ATP11A: variants seen among roughly 807,000 people sequenced by gnomAD.
ATP11A encodes ATPase phospholipid transporting 11A.
ATP11A carries 81 observed loss-of-function variants against 154.4 expected under a neutral mutation model. That is an observed-to-expected ratio of 0.52 (90% confidence interval 0.44 to 0.63). ATP11A has a LOEUF of 0.63. Among genes scored for constraint, ATP11A ranks in the 30% least tolerant of loss-of-function variants. The pLI is 0.00. For missense variants in ATP11A, 1,316 were observed against 1,474.3 expected (o/e 0.89, Z 1.76); for synonymous variants, 623 against 585.9 (o/e 1.06, Z -0.91).
At chr13:112,841,948 T>G (rs973131635) in intron 16 of ATP11A, among the ~76,000 whole-genome samples, 6 of 152,224 alleles carry the variant, frequency 3.9e-5, no homozygotes, top group African/African-American at 1.4e-4. Flanking sequence ...AGGACCCCCT[T>G]TGGGTCACCC....
In ATP11A at chr13:112,882,399, C is replaced by A. The variant is rs573728153; in HGVS notation, c.*533C>A. On this transcript the variant is annotated 3_prime_UTR_variant, in exon 30 of 30. Coordinates refer to ENST00000375645, the MANE Select transcript of ATP11A (RefSeq NM_015205.3). This position sits in a 1 kb window ranked among gnomAD's most constrained non-coding sequence, Gnocchi z 5.1. ...TGTGGATGCCACATGCTGCTGTTTC[C>A]TGCTTGCCCGGCCACCACCCATGCC... 21 of 397,434 alleles carry A rather than the reference C, an allele frequency of 5.3e-5. No homozygotes were observed. Among genetic ancestry groups the A allele is most frequent in the African/African-American group, 3.2e-4 (16 of 49,242 alleles). The allele number at this position is 397,434 out of a possible 1,614,324, so 24.6% of individuals were successfully genotyped here. A position where few individuals can be genotyped will look rare whatever the true frequency, so the allele number is the denominator to read the frequency against.
chr13:112,841,611 G>A (rs138578502), intron 16 of ATP11A, among the ~76,000 whole-genome samples: 17 of 152,126 alleles, frequency 1.1e-4, no homozygotes, highest in Admixed American at 2.0e-4. Flanking sequence ...AGAGTGCCAC[G>A]TGGCTTCGCC....
At chr13:112,741,570 A>G (rs889165743) in intron 1 of ATP11A, among the ~76,000 whole-genome samples, 2 of 152,154 alleles carry the variant, frequency 1.3e-5, no homozygotes, top group African/African-American at 2.4e-5. Context: ...GCACTAGCCA[A>G]CTGGGGCAGG....
chr13:112,731,941 G>GGT (rs1555309806), intron 1 of ATP11A, among the ~76,000 whole-genome samples: 1 of 145,446 alleles, frequency 6.9e-6, no homozygotes, highest in African/African-American at 2.6e-5. Context: ...TGGGGGCGGG[G>GGT]GGGGGCAGGT....
intron 5 of ATP11A, among the ~76,000 whole-genome samples, chr13:112,813,057 G>A (rs142350064): frequency 6.0e-4 from 91 of 152,242 alleles, no homozygotes; most frequent in South Asian, 1.2e-3. Flanking sequence ...CCTGTGTGTC[G>A]TAACCAAGAG....
Position 112,690,150 on chromosome 13 carries a change from GAA to G in ATP11A, c.-266_-265del, listed in dbSNP as rs559154754. On this transcript the variant is annotated 5_prime_UTR_variant, in exon 1 of 30. Transcript: ENST00000375645. This position sits in a 1 kb window ranked among gnomAD's most constrained non-coding sequence, Gnocchi z 5.6. ...GAGCGGGCGGACCGACGGGGAGAGAGAAGGCGCCAGAGCGCGCGCGCGCGGCC... is the reference window on the plus strand; with the variant it reads ...GAGCGGGCGGACCGACGGGGAGAGAGGGCGCCAGAGCGCGCGCGCGCGGCC... 6.2e-3 allele frequency among the ~76,000 whole-genome samples: 925 copies of G among 148,448 alleles called. 10 individuals are homozygous for G. The highest frequency in any genetic ancestry group is 0.021 in the African/African-American group (874 of 41,204).
At chr13:112,732,577 AT>A (rs775880405) in intron 1 of ATP11A, among the ~76,000 whole-genome samples, 1 of 152,060 alleles carries the variant, frequency 6.6e-6, no homozygotes, top group African/African-American at 2.4e-5. Context: ...GCACTTACAA[AT>A]TTATTTTATG....
intron 1 of ATP11A, among the ~76,000 whole-genome samples, chr13:112,740,333 C>G (rs1207130579): frequency 6.6e-6 from 1 of 152,058 alleles, no homozygotes; most frequent in Non-Finnish European, 1.5e-5. Flanking sequence ...CACCACCACA[C>G]CCGGCTAATT....
chr13:112,883,259 A>T lies in ATP11A; in HGVS notation c.*1393A>T. 1 of 398,650 alleles carries T rather than the reference A, an allele frequency of 2.5e-6. No homozygotes were observed. The highest frequency in any genetic ancestry group is 1.3e-4 in the South Asian group (1 of 7,850). The allele number at this position is 398,650 out of a possible 1,614,324, so 24.7% of individuals were successfully genotyped here. A position where few individuals can be genotyped will look rare whatever the true frequency, so the allele number is the denominator to read the frequency against. ...GGTTAGCAACCCCAGGGCTGCTGTG[A>T]TAGGAAGTCCCTGTTGTTCTCCGTA... On this transcript the variant is annotated 3_prime_UTR_variant, in exon 30 of 30. Coordinates refer to ENST00000375645, the MANE Select transcript of ATP11A (RefSeq NM_015205.3).
chr13:112,799,366 T>G (rs9604455), intron 2 of ATP11A, among the ~76,000 whole-genome samples: 378 of 152,268 alleles, frequency 2.5e-3, no homozygotes, highest in African/African-American at 8.7e-3. Context: ...AGGCTGTTTA[T>G]TCACTTGGAT....
chr13:112,832,019 T>G (rs2079105772), intron 13 of ATP11A, among the ~76,000 whole-genome samples: 1 of 145,814 alleles, frequency 6.9e-6, no homozygotes, highest in Admixed American at 6.8e-5. Context: ...CACGCTCACA[T>G]GCAGACACAC....
At chr13:112,841,354 C>A (rs2079411601) in intron 16 of ATP11A, among the ~76,000 whole-genome samples, 1 of 145,642 alleles carries the variant, frequency 6.9e-6, no homozygotes, top group Admixed American at 6.8e-5. Context: ...GTAGAGGGGG[C>A]TCTGTGTGTC....
chr13:112,739,319 G>T (rs958411353), intron 1 of ATP11A, among the ~76,000 whole-genome samples: 3 of 152,188 alleles, frequency 2.0e-5, no homozygotes, highest in African/African-American at 4.8e-5. Flanking sequence ...ATTTTAATTG[G>T]TGTTTTACCA....
rs899575201 is a variant in ATP11A, at chr13:112,690,122, A to G, written c.-295A>G. 1.3e-5 allele frequency among the ~76,000 whole-genome samples: 2 copies of G among 148,188 alleles called. No homozygotes were observed. The highest frequency in any genetic ancestry group is 3.0e-5 in the Non-Finnish European group (2 of 66,382). ...GGCCGGGGTGCTCCAGCCGAGCCCA[A>G]CCGAGCGGGCGGACCGACGGGGAGA... On this transcript the variant is annotated 5_prime_UTR_variant, in exon 1 of 30. Coordinates refer to ENST00000375645, the MANE Select transcript of ATP11A (RefSeq NM_015205.3). This position sits in a 1 kb window ranked among gnomAD's most constrained non-coding sequence, Gnocchi z 5.6.
intron 8 of ATP11A, among the ~76,000 whole-genome samples, chr13:112,820,546 C>A (rs1268342919): frequency 6.6e-6 from 1 of 152,212 alleles, no homozygotes; most frequent in Non-Finnish European, 1.5e-5. Context: ...AAACAGCGAC[C>A]CTCAGACACC....
chr13:112,782,950 T>TG (rs1479802301), intron 1 of ATP11A, among the ~76,000 whole-genome samples: 1 of 152,226 alleles, frequency 6.6e-6, no homozygotes, highest in East Asian at 1.9e-4. Flanking sequence ...AAACACTGGT[T>TG]GATAGTCTCA....
intron 1 of ATP11A, among the ~76,000 whole-genome samples, chr13:112,783,465 T>C (rs1035281352): frequency 6.6e-6 from 1 of 152,216 alleles, no homozygotes; most frequent in Non-Finnish European, 1.5e-5. Context: ...GTCCCCCTCA[T>C]GGGTGAGAAG....
chr13:112,729,579 T>C lies in ATP11A; in HGVS notation c.39+39124T>C, dbSNP rs529570916. On this transcript the variant is annotated intron_variant, in intron 1 of 29. Transcript: ENST00000375645. ...GTCTTACTCATCCGAGTGTGAACAA[T>C]GTTGGAAGGCACTGAGGCAGCACAG... 7.3e-4 allele frequency among the ~76,000 whole-genome samples: 110 copies of C among 151,526 alleles called. 2 individuals are homozygous for C. The South Asian group carries it at 0.013, about 18-fold the overall frequency.
At chr13:112,790,846 CT>C (rs2077833133) in intron 2 of ATP11A, among the ~76,000 whole-genome samples, 2 of 152,148 alleles carry the variant, frequency 1.3e-5, no homozygotes, top group African/African-American at 4.8e-5. Flanking sequence ...TTTTCAAAGC[CT>C]TTTTTATGGG....
Sources: gnomAD v4.1 joint callset for allele counts (sites outside exome capture counted in the v4.1 genomes callset) on GRCh38, gnomAD v4.1.1 for gene constraint, Gnocchi (gnomAD v3.1) non-coding constraint, MANE v1.5 for transcripts, NCBI Gene and HGNC (gene_info 2026-07-23, HGNC 2026-07-21) for gene names.